FAM13A: variants seen among roughly 807,000 people sequenced by gnomAD.
The protein encoded by FAM13A is family with sequence similarity 13 member A.
In FAM13A, 76 loss-of-function variants were observed where a neutral mutation model predicts 129.6. The observed-to-expected ratio is 0.59, with a 90% CI of 0.49 to 0.71. The LOEUF is 0.71. Ranked by LOEUF, FAM13A falls within the 30% of genes least tolerant of loss-of-function variation. The pLI is 0.00. For synonymous variants in FAM13A, 443 were observed against 449.9 expected (o/e 0.98, Z 0.20); for missense variants, 1,108 against 1,249.3 (o/e 0.89, Z 1.70).
At chr4:88,843,699 G>A (rs1401885061) in intron 7 of FAM13A, among the ~76,000 whole-genome samples, 1 of 152,202 alleles carries the variant, frequency 6.6e-6, no homozygotes, top group Non-Finnish European at 1.5e-5. Flanking sequence ...ATGCACTATT[G>A]TAAGACAATA....
intron 7 of FAM13A, among the ~76,000 whole-genome samples, chr4:88,832,991 A>C (rs1734161149): frequency 6.6e-6 from 1 of 152,214 alleles, no homozygotes; most frequent in Admixed American, 6.5e-5. Context: ...AATGCCCATC[A>C]ATGATAGACT....
At chr4:89,020,092 G>A (rs1767037902) in intron 3 of FAM13A, among the ~76,000 whole-genome samples, 1 of 151,914 alleles carries the variant, frequency 6.6e-6, no homozygotes, top group South Asian at 2.1e-4. Context: ...ACATGTTAAT[G>A]GTATCAGAAA....
chr4:88,742,788 A>T (rs902744630), intron 19 of FAM13A, among the ~76,000 whole-genome samples: 3 of 152,172 alleles, frequency 2.0e-5, no homozygotes, highest in Admixed American at 2.0e-4. Flanking sequence ...CTGCTCAGGG[A>T]TTCTGCTGCC....
rs1273293979 is a variant in FAM13A at position 88,726,375 on chromosome 4, C to G, written c.*2158G>C. ...TACACAATTTATTTTATATAACTTA[C>G]TTGGTGTTTTCTTTTATTGAATCAT... On this transcript the variant is annotated 3_prime_UTR_variant, in exon 24 of 24. Coordinates refer to ENST00000264344, the MANE Select transcript of FAM13A (RefSeq NM_014883.4). The G allele has an allele frequency of 2.0e-5, 3 of 152,314 alleles. No homozygotes were observed. The highest frequency in any genetic ancestry group is 7.3e-5 in the African/African-American group (3 of 41,362). The allele number at this position is 152,314 out of a possible 1,614,324, so 9.4% of individuals were successfully genotyped here. A position where few individuals can be genotyped will look rare whatever the true frequency, so the allele number is the denominator to read the frequency against.
At chr4:88,804,497 T>C (rs1402870020) in intron 8 of FAM13A, among the ~76,000 whole-genome samples, 1 of 152,192 alleles carries the variant, frequency 6.6e-6, no homozygotes, top group Non-Finnish European at 1.5e-5. Flanking sequence ...AGAGGTGATC[T>C]TGAATTCTGT....
At chr4:88,903,297 C>T (rs1332763139) in intron 6 of FAM13A, among the ~76,000 whole-genome samples, 10 of 151,982 alleles carry the variant, frequency 6.6e-5, no homozygotes, top group Non-Finnish European at 1.2e-4. Context: ...CAAGCCTAAG[C>T]AAAAAGAACA....
intron 1 of FAM13A, among the ~76,000 whole-genome samples, chr4:89,050,059 ACAGATGGT>A (rs1771360254): frequency 6.6e-6 from 1 of 152,230 alleles, no homozygotes; most frequent in African/African-American, 2.4e-5. Context: ...GGGAAGTTGA[ACAGATGGT>A]CAGATATTAC....
intron 4 of FAM13A, chr4:88,989,986 G>A (rs1354962881): frequency 2.6e-5 from 4 of 152,090 alleles, no homozygotes; most frequent in African/African-American, 9.7e-5. Flanking sequence ...CGGAGCTTCT[G>A]AATAAGACAA....
At chr4:88,865,395 G>T (rs1055038682) in intron 6 of FAM13A, among the ~76,000 whole-genome samples, 1 of 152,166 alleles carries the variant, frequency 6.6e-6, no homozygotes, top group Non-Finnish European at 1.5e-5. Context: ...AAATTCATCT[G>T]CTTGCAGACA....
At chr4:88,853,358 A>G (rs1160184024) in intron 6 of FAM13A, among the ~76,000 whole-genome samples, 1 of 152,034 alleles carries the variant, frequency 6.6e-6, no homozygotes, top group Non-Finnish European at 1.5e-5. Context: ...CTTAAAATCT[A>G]CTCTTTTAGC....
At chr4:88,878,464 G>A (rs1036595767) in intron 6 of FAM13A, among the ~76,000 whole-genome samples, 1 of 151,892 alleles carries the variant, frequency 6.6e-6, no homozygotes, top group African/African-American at 2.4e-5. Flanking sequence ...GGATTAATGA[G>A]CCTGTTTATT....
intron 14 of FAM13A, among the ~76,000 whole-genome samples, chr4:88,755,460 C>G (rs1743422734): frequency 6.6e-6 from 1 of 152,080 alleles, no homozygotes; most frequent in Admixed American, 6.5e-5. Flanking sequence ...AGATGGAAAA[C>G]CAGGGCAGGT....
chr4:89,019,100 G>C (rs1406327993), intron 3 of FAM13A, among the ~76,000 whole-genome samples: 4 of 152,176 alleles, frequency 2.6e-5, no homozygotes, highest in African/African-American at 9.7e-5. Flanking sequence ...CTTCCCTAGG[G>C]GATGGCAAGT....
chr4:88,840,080 G>GAAA (rs1735563119), intron 7 of FAM13A, among the ~76,000 whole-genome samples: 1 of 152,226 alleles, frequency 6.6e-6, no homozygotes, highest in Non-Finnish European at 1.5e-5. Context: ...TTATACAAAA[G>GAAA]AGACTAAGAA....
intron 4 of FAM13A, among the ~76,000 whole-genome samples, chr4:88,939,187 T>A (rs1193094655): frequency 6.6e-6 from 1 of 152,116 alleles, no homozygotes; most frequent in Non-Finnish European, 1.5e-5. Context: ...TGGGGCAAAA[T>A]CAAGGTGTCA....
chr4:88,995,410 C>G (rs1005709091), intron 3 of FAM13A, among the ~76,000 whole-genome samples: 3 of 152,084 alleles, frequency 2.0e-5, no homozygotes. Flanking sequence ...CCCTCAGTGT[C>G]TGGGTGGGCA....
At chr4:88,746,565 T>C (rs1349504910) in intron 19 of FAM13A, among the ~76,000 whole-genome samples, 2 of 152,202 alleles carry the variant, frequency 1.3e-5, no homozygotes, top group East Asian at 1.9e-4. Flanking sequence ...TGACAGCTTA[T>C]TGGGGGAGAC....
chr4:88,938,103 C>T lies in FAM13A; in HGVS notation c.744G>A (p.Arg248=). Residue 248 remains arginine (R), a synonymous_variant, in exon 5 of 24, where the codon AGG becomes AGA. Transcript: ENST00000264344. Reference sequence around the variant, plus strand: ...AGTTGCTTACTTTTACTATGATAAGCCTAGCCAGGTTTTCACATCTCAGAT... The same window carrying T: ...AGTTGCTTACTTTTACTATGATAAGTCTAGCCAGGTTTTCACATCTCAGAT... ...NDHLRCENLA[R]LIIVKEVYYK... is the part of the protein sequence containing the mutation. 1 of 1,613,264 alleles carries T rather than the reference C, an allele frequency of 6.2e-7. No homozygotes were observed. The highest frequency in any genetic ancestry group is 8.5e-7 in the Non-Finnish European group (1 of 1,179,430).
At chr4:89,038,036 C>G (rs751240759) in intron 1 of FAM13A, among the ~76,000 whole-genome samples, 35 of 152,252 alleles carry the variant, frequency 2.3e-4, no homozygotes, top group Non-Finnish European at 4.0e-4. Flanking sequence ...AGGTTTAGAG[C>G]CAGAACATAA....
Sources: gnomAD v4.1 joint callset for allele counts (sites outside exome capture counted in the v4.1 genomes callset) on GRCh38, gnomAD v4.1.1 for gene constraint, MANE v1.5 for transcripts, NCBI Gene and HGNC (gene_info 2026-07-23, HGNC 2026-07-21) for gene names.